The following FGF14 variants were observed in gnomAD, a reference collection of about 807,000 sequenced individuals.
FGF14 encodes fibroblast growth factor 14, also known as fibroblast growth factor homologous factor 4.
FGF14 carries 5 observed loss-of-function variants against 25.5 expected under a neutral mutation model. The ratio of observed to expected loss-of-function variants is 0.20; its 90% CI spans 0.10 to 0.41. The LOEUF (loss-of-function observed/expected upper bound fraction) is 0.41. Among genes scored for constraint, FGF14 ranks in the 10% least tolerant of loss-of-function variants. FGF14 has a pLI of 1.00. For missense variants in FGF14, 222 were observed against 320.1 expected (o/e 0.69, Z 2.34); for synonymous variants, 138 against 118.3 (o/e 1.17, Z -1.08).
intron 1 of FGF14, among the ~76,000 whole-genome samples, chr13:102,210,793 T>C (rs1213098235): frequency 1.3e-5 from 2 of 152,160 alleles, no homozygotes; most frequent in Non-Finnish European, 2.9e-5. Flanking sequence ...GGACAGAGAA[T>C]ATTGGAAAAT....
rs888417022 is a variant in FGF14 at position 102,338,085 on chromosome 13, GT to G, written c.208+63385del. 5.1e-3 allele frequency among the ~76,000 whole-genome samples: 756 copies of G among 148,798 alleles called. 3 individuals are homozygous for G. The highest frequency in any genetic ancestry group is 0.017 in the African/African-American group (699 of 40,658). On this transcript the variant is annotated intron_variant, in intron 1 of 4. Coordinates refer to the FGF14 transcript ENST00000376131. ...GAAAAACATGGTAATATTTTGTCTG[GT>G]TTTTTTTTTCTTGTTGTTTTTTCAA...
At chr13:102,041,050 C>T (rs533890311) in intron 1 of FGF14, among the ~76,000 whole-genome samples, 1 of 152,020 alleles carries the variant, frequency 6.6e-6, no homozygotes, top group South Asian at 2.1e-4. Context: ...AATTGAACTC[C>T]ACTCAAGTCG....
At chr13:101,731,892 G>T (rs2035834271) in intron 3 of FGF14, among the ~76,000 whole-genome samples, 1 of 152,172 alleles carries the variant, frequency 6.6e-6, no homozygotes, top group Non-Finnish European at 1.5e-5. Flanking sequence ...TTTCAGAGCT[G>T]CGTGGTCGAG....
At chr13:102,350,068 G>GA (rs1388647174) in intron 1 of FGF14, among the ~76,000 whole-genome samples, 21 of 152,270 alleles carry the variant, frequency 1.4e-4, no homozygotes, top group Middle Eastern at 3.4e-3. Context: ...ACACACTTGT[G>GA]AAAACATTCA....
intron 1 of FGF14, among the ~76,000 whole-genome samples, chr13:101,943,812 TAAAAAA>T (rs58741547): frequency 3.0e-5 from 4 of 134,244 alleles, no homozygotes; most frequent in Admixed American, 7.3e-5. Context: ...TGTCTCTACT[TAAAAAA>T]AAAAAAAAAT....
chr13:101,870,670 A>G (rs937541822), intron 2 of FGF14, among the ~76,000 whole-genome samples: 6 of 152,198 alleles, frequency 3.9e-5, no homozygotes, highest in African/African-American at 1.2e-4. Flanking sequence ...TGAATTATAA[A>G]ATACAAGGTA....
intron 1 of FGF14, among the ~76,000 whole-genome samples, chr13:102,327,025 C>A (rs1170411316): frequency 6.6e-6 from 1 of 152,058 alleles, no homozygotes; most frequent in African/African-American, 2.4e-5. Flanking sequence ...CAGAAAAAAT[C>A]CAAAAGCCCA....
At chr13:102,382,199 T>A (rs1471846115) in intron 1 of FGF14, among the ~76,000 whole-genome samples, 2 of 151,942 alleles carry the variant, frequency 1.3e-5, no homozygotes, top group Non-Finnish European at 1.5e-5. Flanking sequence ...GAAAAGAAAA[T>A]CCACAGAATG....
chr13:101,790,755 G>A (rs2040190348), intron 3 of FGF14, among the ~76,000 whole-genome samples: 1 of 152,108 alleles, frequency 6.6e-6, no homozygotes, highest in Non-Finnish European at 1.5e-5. Context: ...TGGAGAATGA[G>A]TATTTTATGT....
intron 1 of FGF14, among the ~76,000 whole-genome samples, chr13:102,103,826 C>G (rs2044775060): frequency 1.3e-5 from 2 of 152,166 alleles, no homozygotes; most frequent in Non-Finnish European, 2.9e-5. Flanking sequence ...CACTGACCAT[C>G]AAGAAATCCA....
Position 101,715,514 on chromosome 13 carries a change from T to C in FGF14, c.*7317A>G. 7.9e-7 allele frequency: 1 copy of C among 1,262,000 alleles called. No homozygotes were observed. The highest frequency in any genetic ancestry group is 1.2e-6 in the Non-Finnish European group (1 of 859,710). 78.2% of individuals were successfully genotyped at this position (1,262,000 alleles called of 1,614,324 possible). The stretch of plus-strand genomic sequence containing the variant: ...GTGATTTATAATAGCATGTTTAAAT[T>C]TGGCACATTTTGATCATAATCATGA... On this transcript the variant is annotated 3_prime_UTR_variant, in exon 5 of 5. Coordinates refer to ENST00000376143, the MANE Select transcript of FGF14 (RefSeq NM_004115.4).
chr13:102,298,178 T>C (rs1296678184), intron 1 of FGF14, among the ~76,000 whole-genome samples: 1 of 152,082 alleles, frequency 6.6e-6, no homozygotes, highest in African/African-American at 2.4e-5. Context: ...GGAAAAAAAC[T>C]CATGAAAATC....
At chr13:102,022,156 C>T (rs1246176772) in intron 1 of FGF14, among the ~76,000 whole-genome samples, 1 of 152,004 alleles carries the variant, frequency 6.6e-6, no homozygotes, top group African/African-American at 2.4e-5. Flanking sequence ...CCTTACTAAA[C>T]AGTCAAAAAG....
chr13:101,761,467 C>A (rs546712042), intron 3 of FGF14, among the ~76,000 whole-genome samples: 5 of 152,282 alleles, frequency 3.3e-5, no homozygotes, highest in Admixed American at 6.5e-5. Context: ...TTGGACCCCA[C>A]GTGACTGTGG....
chr13:102,276,023 G>T (rs1474079530), intron 1 of FGF14, among the ~76,000 whole-genome samples: 1 of 151,770 alleles, frequency 6.6e-6, no homozygotes, highest in Admixed American at 6.6e-5. Flanking sequence ...AGATTAAAGT[G>T]GAATTTTACT....
chr13:102,344,014 T>C (rs566265915), intron 1 of FGF14, among the ~76,000 whole-genome samples: 62 of 152,326 alleles, frequency 4.1e-4, no homozygotes, highest in African/African-American at 1.5e-3. Flanking sequence ...GCTTATGTAA[T>C]TCACAGCAAG....
chr13:102,142,019 GGAAATAA>G (rs933829119), intron 1 of FGF14, among the ~76,000 whole-genome samples: 10 of 151,824 alleles, frequency 6.6e-5, no homozygotes, highest in Admixed American at 3.3e-4. Flanking sequence ...CATGCATGAG[GGAAATAA>G]GAAATATCAA....
chr13:101,854,758 C>T (rs572161929), intron 3 of FGF14, among the ~76,000 whole-genome samples: 1 of 152,098 alleles, frequency 6.6e-6, no homozygotes, highest in South Asian at 2.1e-4. Flanking sequence ...GATACCTGTC[C>T]ACCTATCAAT....
chr13:102,219,239 T>A (rs1043541880), intron 1 of FGF14, among the ~76,000 whole-genome samples: 2 of 152,226 alleles, frequency 1.3e-5, no homozygotes, highest in Non-Finnish European at 2.9e-5. Context: ...CATTTTCTGT[T>A]TCCTGTGTGG....
Sources: allele counts gnomAD v4.1 joint callset (sites outside exome capture counted in the v4.1 genomes callset), GRCh38; gene constraint gnomAD v4.1.1; transcripts MANE v1.5; gene names NCBI Gene and HGNC (gene_info 2026-07-23, HGNC 2026-07-21).